Variants in LUZP2 observed in about 807,000 individuals in gnomAD.
The protein encoded by LUZP2 is leucine zipper protein 2.
Under a neutral mutation model 51.6 loss-of-function variants are expected in LUZP2, and 52 were observed. That is an observed-to-expected ratio of 1.01 (90% CI 0.81 to 1.27). The LOEUF (loss-of-function observed/expected upper bound fraction) is 1.27, where lower values mean the gene tolerates loss of function less well. Among genes scored for constraint, LUZP2 ranks in the 50% most tolerant of loss-of-function variants. The probability of loss-of-function intolerance (pLI) is 0.00; values close to 1 mark genes in which losing one functional copy is unlikely to be tolerated. For missense variants in LUZP2, 436 were observed against 395.4 expected, an observed-to-expected ratio of 1.10 and a Z score of -0.87; for synonymous variants, 154 against 137.3, an observed-to-expected ratio of 1.12 and a Z score of -0.85.
chr11:25,060,552 G>T (rs1381741606), intron 10 of LUZP2, among the ~76,000 whole-genome samples: 1 of 152,124 alleles, frequency 6.6e-6, no homozygotes, highest in Admixed American at 6.6e-5. Flanking sequence ...TATTCACATT[G>T]CTGTGATTAC....
rs893212306 is a variant in LUZP2 at position 24,915,056 on chromosome 11, T to C, written c.522+518T>C. ...TTTTTATGACTTAAAATATGAGATA[T>C]ATTGTATGTAAACCTTGTTATTTCA... is the stretch of plus-strand genomic sequence containing the variant. On this transcript the variant is annotated intron_variant, in intron 7 of 11. Coordinates refer to ENST00000336930, the MANE Select transcript of LUZP2 (RefSeq NM_001009909.4). Among the ~76,000 whole-genome samples the C allele has an allele frequency of 8.5e-5, 13 of 152,248 alleles. No individual in the cohort carries two copies. In the South Asian group the frequency reaches 2.3e-3, roughly 27 times the overall value.
chr11:24,503,540 T>C (rs1850064054), intron 1 of LUZP2, among the ~76,000 whole-genome samples: 1 of 152,228 alleles, frequency 6.6e-6, no homozygotes, highest in Non-Finnish European at 1.5e-5. Context: ...ATTGCAATTA[T>C]GTCTGAATTG....
At chr11:25,076,759 T>A (rs1483913795) in intron 10 of LUZP2, among the ~76,000 whole-genome samples, 44 of 151,268 alleles carry the variant, frequency 2.9e-4, no homozygotes, top group Admixed American at 7.2e-4. Context: ...AATTTATTTT[T>A]TTTTTTCCAT....
At chr11:24,884,791 T>C (rs1371879806) in intron 5 of LUZP2, among the ~76,000 whole-genome samples, 2 of 152,072 alleles carry the variant, frequency 1.3e-5, no homozygotes, top group Non-Finnish European at 2.9e-5. Flanking sequence ...CAGAGACTTG[T>C]AGTTTTACTG....
At chr11:24,944,107 T>A (rs1192964106) in intron 7 of LUZP2, among the ~76,000 whole-genome samples, 1 of 152,180 alleles carries the variant, frequency 6.6e-6, no homozygotes, top group African/African-American at 2.4e-5. Context: ...GTATCTGTAT[T>A]TGTCTGCATT....
chr11:24,715,454 C>G (rs955759244), intron 1 of LUZP2, among the ~76,000 whole-genome samples: 1 of 152,152 alleles, frequency 6.6e-6, no homozygotes, highest in African/African-American at 2.4e-5. Flanking sequence ...TTCTACCTTA[C>G]TTAAATGAGC....
chr11:24,911,951 A>G (rs1274737792), intron 6 of LUZP2, among the ~76,000 whole-genome samples: 3 of 152,180 alleles, frequency 2.0e-5, no homozygotes, highest in Non-Finnish European at 4.4e-5. Flanking sequence ...TTCAGTATCC[A>G]TATCAAAAGA....
At chr11:24,591,767 T>C (rs1157738238) in intron 1 of LUZP2, among the ~76,000 whole-genome samples, 1 of 152,202 alleles carries the variant, frequency 6.6e-6, no homozygotes, top group Non-Finnish European at 1.5e-5. Flanking sequence ...TGAAGTTGAA[T>C]GCAGTCACCT....
rs1565020903 is a variant in LUZP2 at position 24,602,234 on chromosome 11, G to GTATATA, written c.62+104930_62+104931insATATAT. ...TATATATGTATATATGTACATATAT[G>GTATATA]TGTATATATGTATATATATGCAAAC... On this transcript the variant is annotated intron_variant, in intron 1 of 11. Coordinates refer to ENST00000336930, the MANE Select transcript of LUZP2 (RefSeq NM_001009909.4). Among the ~76,000 whole-genome samples the GTATATA allele has an allele frequency of 8.9e-3, 132 of 14,876 alleles. 1 individual carries two copies. The East Asian group carries it at 0.16, about 18-fold the overall frequency. The allele number at this position is 14,876 out of a possible 152,430, so 9.8% of individuals were successfully genotyped here. A position where few individuals can be genotyped will look rare whatever the true frequency, so the allele number is the denominator to read the frequency against.
chr11:24,796,093 G>A lies in LUZP2; in HGVS notation c.396+32785G>A, dbSNP rs1420303825. 2.0e-5 allele frequency among the ~76,000 whole-genome samples: 3 copies of A among 152,110 alleles called. No individual in the cohort carries two copies. In the East Asian group the frequency reaches 5.8e-4, roughly 29 times the overall value. On this transcript the variant is annotated intron_variant, in intron 5 of 11. Coordinates refer to ENST00000336930, the MANE Select transcript of LUZP2 (RefSeq NM_001009909.4). Reference sequence around the variant, plus strand: ...ATAAACAAGCAACTTTGTTTTTTGAGTGCAAATTTGAATTTTGGACCCAGC... The same window carrying A: ...ATAAACAAGCAACTTTGTTTTTTGAATGCAAATTTGAATTTTGGACCCAGC...
intron 1 of LUZP2, among the ~76,000 whole-genome samples, chr11:24,709,352 C>T (rs1857731481): frequency 6.6e-6 from 1 of 151,950 alleles, no homozygotes. Context: ...ACATCATTCT[C>T]AAGGAGAGTG....
chr11:24,983,010 T>G (rs186613633), intron 8 of LUZP2, 116 bp from the exon 9 acceptor site: 110 of 950,284 alleles, frequency 1.2e-4, no homozygotes, highest in Admixed American at 8.5e-4. Context: ...GCAATTACAT[T>G]TGAAAAGTGA....
At chr11:24,895,207 T>G (rs142607234) in intron 5 of LUZP2, among the ~76,000 whole-genome samples, 57 of 152,224 alleles carry the variant, frequency 3.7e-4, no homozygotes, top group African/African-American at 1.3e-3. Flanking sequence ...TAGGTTGAGT[T>G]ACAGTGAACC....
intron 1 of LUZP2, among the ~76,000 whole-genome samples, chr11:24,690,382 G>C (rs1240715216): frequency 6.6e-6 from 1 of 152,046 alleles, no homozygotes; most frequent in Non-Finnish European, 1.5e-5. Context: ...TTTTACAAAA[G>C]CTCATAGAAG....
chr11:24,604,097 A>G (rs1223245507), intron 1 of LUZP2, among the ~76,000 whole-genome samples: 1 of 151,832 alleles, frequency 6.6e-6, no homozygotes, highest in Non-Finnish European at 1.5e-5. Context: ...CTCCTTTAGG[A>G]TCAAATAAAA....
At chr11:25,039,507 G>A (rs1857972767) in intron 9 of LUZP2, among the ~76,000 whole-genome samples, 1 of 152,240 alleles carries the variant, frequency 6.6e-6, no homozygotes, top group East Asian at 1.9e-4. Flanking sequence ...CCTCTTAGAG[G>A]GAGATAGGAG....
intron 5 of LUZP2, among the ~76,000 whole-genome samples, chr11:24,787,584 A>C (rs1248101653): frequency 6.6e-6 from 1 of 152,078 alleles, no homozygotes; most frequent in Non-Finnish European, 1.5e-5. Context: ...AGTTAAACTC[A>C]ATTTCTATTT....
chr11:24,544,923 T>C (rs1851492525), intron 1 of LUZP2, among the ~76,000 whole-genome samples: 1 of 152,084 alleles, frequency 6.6e-6, no homozygotes, highest in South Asian at 2.1e-4. Flanking sequence ...ACGCATCCCT[T>C]TTTCTCTGCA....
intron 7 of LUZP2, among the ~76,000 whole-genome samples, chr11:24,963,332 G>A (rs2133883846): frequency 1.3e-5 from 2 of 152,268 alleles, no homozygotes; most frequent in Middle Eastern, 3.4e-3. Context: ...AGAGGTTACT[G>A]CTGTCTTTTT....
Sources: gnomAD v4.1 joint callset for allele counts (sites outside exome capture counted in the v4.1 genomes callset) on GRCh38, gnomAD v4.1.1 for gene constraint, MANE v1.5 for transcripts, NCBI Gene and HGNC (gene_info 2026-07-23, HGNC 2026-07-21) for gene names.